Variants in GXYLT2 observed in about 807,000 individuals in gnomAD.
GXYLT2 encodes glucoside xylosyltransferase 2.
GXYLT2 carries 53 observed loss-of-function variants against 45.8 expected under a neutral mutation model. The ratio of observed to expected loss-of-function variants is 1.16; its 90% CI spans 0.93 to 1.46. The LOEUF is 1.46. Among genes scored for constraint, GXYLT2 ranks in the 40% most tolerant of loss-of-function variants. GXYLT2 has a pLI of 0.00. For synonymous variants in GXYLT2, 219 were observed against 214.2 expected, an observed-to-expected ratio of 1.02 and a Z score of -0.19; for missense variants, 551 against 544.4, an observed-to-expected ratio of 1.01 and a Z score of -0.12.
At chr3:72,933,798 G>C (rs1002273969) in intron 3 of GXYLT2, among the ~76,000 whole-genome samples, 3 of 152,128 alleles carry the variant, frequency 2.0e-5, no homozygotes, top group Admixed American at 6.5e-5. Context: ...CAGCCTGGGG[G>C]GGCCGAGCTT....
chr3:72,952,754 G>C (rs1270082852), intron 3 of GXYLT2, among the ~76,000 whole-genome samples: 1 of 151,966 alleles, frequency 6.6e-6, no homozygotes, highest in Non-Finnish European at 1.5e-5. Context: ...CTTCTTATAA[G>C]GGCACTGATC....
At chr3:72,928,416 C>G (rs1200506704) in intron 3 of GXYLT2, among the ~76,000 whole-genome samples, 3 of 152,142 alleles carry the variant, frequency 2.0e-5, no homozygotes, top group Non-Finnish European at 4.4e-5. Context: ...GAAGTTCATT[C>G]AAGAACACAG....
chr3:72,915,627 G>A (rs992606543), intron 2 of GXYLT2, among the ~76,000 whole-genome samples: 3 of 151,640 alleles, frequency 2.0e-5, no homozygotes, highest in Non-Finnish European at 4.4e-5. Flanking sequence ...ACCTGAGGTT[G>A]GGAGTTCGAG....
At chr3:72,925,995 G>C (rs1709912493) in intron 3 of GXYLT2, among the ~76,000 whole-genome samples, 1 of 152,168 alleles carries the variant, frequency 6.6e-6, no homozygotes, top group Non-Finnish European at 1.5e-5. Context: ...GAGATGTATT[G>C]ATCTTGAGGG....
chr3:72,956,590 C>T (rs2107143122), intron 4 of GXYLT2, among the ~76,000 whole-genome samples: 1 of 152,222 alleles, frequency 6.6e-6, no homozygotes, highest in South Asian at 2.1e-4. Flanking sequence ...GAAGTAGAGA[C>T]TGCTGTTGAG....
intron 2 of GXYLT2, among the ~76,000 whole-genome samples, chr3:72,921,055 A>C (rs1249861577): frequency 6.6e-6 from 1 of 152,012 alleles, no homozygotes; most frequent in Non-Finnish European, 1.5e-5. Flanking sequence ...TCCTGACCTC[A>C]AGTGATCCCC....
chr3:72,913,952 A>G (rs1030691447), intron 2 of GXYLT2, among the ~76,000 whole-genome samples: 1 of 151,906 alleles, frequency 6.6e-6, no homozygotes, highest in African/African-American at 2.4e-5. Context: ...CATCTCCTAT[A>G]TTTTGGGCAC....
intron 5 of GXYLT2, among the ~76,000 whole-genome samples, chr3:72,967,182 A>G (rs56393413): frequency 0.26 from 39,917 of 152,164 alleles, 6,526 homozygotes; most frequent in Non-Finnish European, 0.37. Context: ...TATTATTCCC[A>G]TTTACAGATG....
rs201637482 is a variant in GXYLT2, at chr3:72,916,352, CT to C, written c.469-5846del. ...GAAAAGAAAAACACCTTAAAATAAA[CT>C]TTTTTGGGGGTGGGGGTAGAGATGG... is the stretch of plus-strand genomic sequence containing the variant. On this transcript the variant is annotated intron_variant, in intron 2 of 6. Transcript: ENST00000389617. Among the ~76,000 whole-genome samples, 615 of 150,572 alleles carry C rather than the reference CT, an allele frequency of 4.1e-3. 6 individuals are homozygous for C. Among genetic ancestry groups the C allele is most frequent in the African/African-American group, 0.014 (579 of 40,958 alleles).
At chr3:72,927,525 T>C (rs1051616468) in intron 3 of GXYLT2, among the ~76,000 whole-genome samples, 2 of 152,208 alleles carry the variant, frequency 1.3e-5, no homozygotes, top group African/African-American at 4.8e-5. Flanking sequence ...ATCATACTTT[T>C]TAGAACTTTT....
intron 5 of GXYLT2, among the ~76,000 whole-genome samples, chr3:72,961,956 G>A (rs1381139659): frequency 2.0e-5 from 3 of 152,182 alleles, no homozygotes; most frequent in Non-Finnish European, 4.4e-5. Flanking sequence ...AAATGCCCAT[G>A]GAGTACACGT....
intron 1 of GXYLT2, among the ~76,000 whole-genome samples, chr3:72,895,570 T>A (rs957441193): frequency 1.3e-5 from 2 of 152,240 alleles, no homozygotes; most frequent in African/African-American, 4.8e-5. Flanking sequence ...TCCTTAGGAA[T>A]ACTTCATTTA....
intron 2 of GXYLT2, among the ~76,000 whole-genome samples, chr3:72,919,924 G>C (rs761181729): frequency 1.3e-5 from 2 of 152,116 alleles, no homozygotes; most frequent in Non-Finnish European, 2.9e-5. Context: ...TAACACTAAT[G>C]TAAACTGTGG....
At chr3:72,950,793 G>T (rs1710507211) in intron 3 of GXYLT2, among the ~76,000 whole-genome samples, 1 of 152,196 alleles carries the variant, frequency 6.6e-6, no homozygotes, top group East Asian at 1.9e-4. Flanking sequence ...GAATTTGAAG[G>T]TGCACTGGTG....
intron 3 of GXYLT2, among the ~76,000 whole-genome samples, chr3:72,954,055 C>T (rs901303627): frequency 2.6e-5 from 4 of 152,170 alleles, no homozygotes; most frequent in Admixed American, 1.3e-4. Context: ...CATGCCACTG[C>T]ACTGCAACCC....
chr3:72,899,011 G>A (rs556782148), intron 1 of GXYLT2, among the ~76,000 whole-genome samples: 1 of 151,666 alleles, frequency 6.6e-6, no homozygotes, highest in East Asian at 2.0e-4. Flanking sequence ...GATTACAGAC[G>A]TGAGCCACCG....
At chr3:72,967,346 T>A (rs1319342836) in intron 5 of GXYLT2, among the ~76,000 whole-genome samples, 1 of 152,174 alleles carries the variant, frequency 6.6e-6, no homozygotes, top group Non-Finnish European at 1.5e-5. Context: ...GAAACCTACA[T>A]CATCACTGTG....
chr3:72,915,575 G>A (rs1225704205), intron 2 of GXYLT2, among the ~76,000 whole-genome samples: 1 of 151,932 alleles, frequency 6.6e-6, no homozygotes, highest in Non-Finnish European at 1.5e-5. Flanking sequence ...GGTGGCTCAC[G>A]CCTGTAATCC....
intron 3 of GXYLT2, among the ~76,000 whole-genome samples, chr3:72,941,590 C>A (rs921861728): frequency 6.6e-6 from 1 of 152,150 alleles, no homozygotes; most frequent in Non-Finnish European, 1.5e-5. Flanking sequence ...CTTAGCCCAA[C>A]ACCCTAGTAA....
Sources: allele counts gnomAD v4.1 joint callset (sites outside exome capture counted in the v4.1 genomes callset), GRCh38; gene constraint gnomAD v4.1.1; transcripts MANE v1.5; gene names NCBI Gene and HGNC (gene_info 2026-07-23, HGNC 2026-07-21).